GREM2: variants seen among roughly 807,000 people sequenced by gnomAD.
GREM2 encodes gremlin-2.
GREM2 carries 11 observed loss-of-function variants against 14.2 expected under a neutral mutation model. The ratio of observed to expected loss-of-function variants is 0.78; its 90% CI spans 0.49 to 1.28. GREM2 has a LOEUF of 1.28. GREM2 is among the 50% of genes most tolerant of loss of function. The pLI is 0.00. For synonymous variants in GREM2, 98 were observed against 97.6 expected (o/e 1.00, Z -0.02); for missense variants, 210 against 218.5 (o/e 0.96, Z 0.24).
intron 1 of GREM2, among the ~76,000 whole-genome samples, chr1:240,567,265 A>G (rs1679189379): frequency 1.3e-5 from 2 of 152,186 alleles, no homozygotes; most frequent in Admixed American, 1.3e-4. Flanking sequence ...GGAGAAGAAG[A>G]ATAATTGAAA....
chr1:240,501,956 C>A (rs1198874580), intron 1 of GREM2, among the ~76,000 whole-genome samples: 1 of 152,126 alleles, frequency 6.6e-6, no homozygotes, highest in Non-Finnish European at 1.5e-5. Context: ...TTCTCTGCAG[C>A]CATTAGGCAG....
chr1:240,497,777 C>A (rs1385352163), intron 1 of GREM2, among the ~76,000 whole-genome samples: 1 of 152,058 alleles, frequency 6.6e-6, no homozygotes, highest in Non-Finnish European at 1.5e-5. Context: ...AATGGCCACG[C>A]TTCCAGCTGG....
chr1:240,509,820 G>A (rs1677764749), intron 1 of GREM2, among the ~76,000 whole-genome samples: 1 of 152,106 alleles, frequency 6.6e-6, no homozygotes, highest in East Asian at 1.9e-4. Flanking sequence ...GGCCATAGAA[G>A]GAATTCTGCA....
intron 1 of GREM2, among the ~76,000 whole-genome samples, chr1:240,502,886 C>A (rs756664357): frequency 6.6e-6 from 1 of 152,206 alleles, no homozygotes; most frequent in Non-Finnish European, 1.5e-5. Context: ...GGTTATTCCA[C>A]TGTCCTTGCA....
chr1:240,541,792 G>A (rs1303547330), intron 1 of GREM2, among the ~76,000 whole-genome samples: 9 of 151,946 alleles, frequency 5.9e-5, no homozygotes, highest in Non-Finnish European at 1.2e-4. Context: ...AAGTGGCTTG[G>A]ATTTCTGTTT....
At chr1:240,561,545 C>T (rs1558163168) in intron 1 of GREM2, among the ~76,000 whole-genome samples, 1 of 152,144 alleles carries the variant, frequency 6.6e-6, no homozygotes, top group African/African-American at 2.4e-5. Flanking sequence ...CTTCATATTA[C>T]AGAGCTCTTT....
chr1:240,570,416 C>T (rs764007784), intron 1 of GREM2, among the ~76,000 whole-genome samples: 25 of 152,062 alleles, frequency 1.6e-4, no homozygotes, highest in Non-Finnish European at 2.9e-4. Flanking sequence ...GAGCCAAGAT[C>T]GCACCACTGC....
rs1677226538 is a variant in GREM2 at position 240,490,681 on chromosome 1, A to G, written c.*2288T>C. The stretch of plus-strand genomic sequence containing the variant: ...GGAGCTTCACACTGCAGCATATCAT[A>G]TTGCTTTCATTGCTACACCCACAAT... On this transcript the variant is annotated 3_prime_UTR_variant, in exon 2 of 2. Transcript: ENST00000318160. 6.6e-6 allele frequency: 1 copy of G among 152,378 alleles called. No homozygotes were observed. The allele number at this position is 152,378 out of a possible 1,614,324, so 9.4% of individuals were successfully genotyped here.
At chr1:240,524,037 A>G (rs748949839) in intron 1 of GREM2, among the ~76,000 whole-genome samples, 24 of 152,212 alleles carry the variant, frequency 1.6e-4, no homozygotes, top group Non-Finnish European at 2.9e-4. Context: ...TTTAAGAGAC[A>G]GAATCTTGCT....
At chr1:240,563,975 C>G (rs942905134) in intron 1 of GREM2, among the ~76,000 whole-genome samples, 1 of 152,008 alleles carries the variant, frequency 6.6e-6, no homozygotes, top group Non-Finnish European at 1.5e-5. Context: ...TTTGGGAGAC[C>G]AAAGTGGAAG....
At chr1:240,527,491 A>C (rs1267054524) in intron 1 of GREM2, among the ~76,000 whole-genome samples, 2 of 152,230 alleles carry the variant, frequency 1.3e-5, no homozygotes, top group African/African-American at 4.8e-5. Context: ...CAGGAAGAAA[A>C]TAAAAACATT....
intron 1 of GREM2, among the ~76,000 whole-genome samples, chr1:240,500,895 A>G (rs2103277219): frequency 6.7e-6 from 1 of 148,604 alleles, no homozygotes. Flanking sequence ...GGGTCACAGG[A>G]TATGTACAAC....
chr1:240,494,955 T>C (rs1296662907), intron 1 of GREM2, among the ~76,000 whole-genome samples: 1 of 152,172 alleles, frequency 6.6e-6, no homozygotes, highest in Non-Finnish European at 1.5e-5. Flanking sequence ...ATTAAAACTG[T>C]CTGATGACAA....
At chr1:240,610,386 C>T (rs1391614004) in intron 1 of GREM2, among the ~76,000 whole-genome samples, 2 of 152,098 alleles carry the variant, frequency 1.3e-5, no homozygotes, top group African/African-American at 4.8e-5. Flanking sequence ...TCAAAAAGCA[C>T]CCAGTTAAAT....
At chr1:240,602,008 C>T (rs1679935087) in intron 1 of GREM2, among the ~76,000 whole-genome samples, 2 of 151,954 alleles carry the variant, frequency 1.3e-5, no homozygotes, top group African/African-American at 4.8e-5. Context: ...GCCTACTTTT[C>T]CTTTCAGCAA....
Position 240,492,882 on chromosome 1 carries a change from G to T in GREM2, c.*87C>A. The T allele has an allele frequency of 1.6e-6, 2 of 1,255,292 alleles. No homozygotes were observed. The highest frequency in any genetic ancestry group is 2.0e-6 in the Non-Finnish European group (2 of 984,122). The allele number at this position is 1,255,292 out of a possible 1,614,324, so 77.8% of individuals were successfully genotyped here. ...AGGGGGAACACCAGGCAGCGTGACA[G>T]TGGGCTCGGAGGGCAGGGACAGAGG... is the stretch of plus-strand genomic sequence containing the variant. On this transcript the variant is annotated 3_prime_UTR_variant, in exon 2 of 2. Coordinates refer to ENST00000318160, the MANE Select transcript of GREM2 (RefSeq NM_022469.4).
chr1:240,499,819 T>C (rs192884790), intron 1 of GREM2, among the ~76,000 whole-genome samples: 148 of 142,938 alleles, frequency 1.0e-3, no homozygotes, highest in African/African-American at 3.8e-3. Context: ...CAGCCACTCA[T>C]TTAGTCTATG....
chr1:240,546,314 G>A (rs1453322153), intron 1 of GREM2, among the ~76,000 whole-genome samples: 1 of 150,548 alleles, frequency 6.6e-6, no homozygotes, highest in African/African-American at 2.5e-5. Flanking sequence ...ACTCCAGCCT[G>A]GTTGACAGAG....
intron 1 of GREM2, among the ~76,000 whole-genome samples, chr1:240,518,634 A>G (rs1276300320): frequency 6.6e-6 from 1 of 152,204 alleles, no homozygotes; most frequent in East Asian, 1.9e-4. Context: ...AGAACAGATA[A>G]TTCTATTTGA....
Sources: gnomAD v4.1 joint callset for allele counts (sites outside exome capture counted in the v4.1 genomes callset) on GRCh38, gnomAD v4.1.1 for gene constraint, MANE v1.5 for transcripts, NCBI Gene and HGNC (gene_info 2026-07-23, HGNC 2026-07-21) for gene names.